EYA3: variants seen among roughly 807,000 people sequenced by gnomAD.
EYA3 encodes protein phosphatase EYA3.
Under a neutral mutation model 80.0 loss-of-function variants are expected in EYA3, and 39 were observed. The ratio of observed to expected loss-of-function variants is 0.49; its 90% CI spans 0.38 to 0.64. EYA3 has a LOEUF of 0.64. Ranked by LOEUF, EYA3 falls within the 30% of genes least tolerant of loss-of-function variation. The probability of loss-of-function intolerance (pLI) is 0.00; values close to 1 mark genes in which losing one functional copy is unlikely to be tolerated. For synonymous variants in EYA3, 206 were observed against 232.8 expected, an observed-to-expected ratio of 0.88 and a Z score of 1.05; for missense variants, 523 against 676.1, an observed-to-expected ratio of 0.77 and a Z score of 2.51.
chr1:28,056,443 G>A (rs1174568484), intron 2 of EYA3, among the ~76,000 whole-genome samples: 2 of 152,262 alleles, frequency 1.3e-5, no homozygotes, highest in East Asian at 3.9e-4. Flanking sequence ...GGCATGCTAT[G>A]CCTCTTGTTT....
Position 28,011,072 on chromosome 1 carries a change from T to A in EYA3, c.784A>T (p.Ser262Cys). 1 of 1,613,144 alleles carries A rather than the reference T, an allele frequency of 6.2e-7. No homozygotes were observed. The highest frequency in any genetic ancestry group is 1.1e-5 in the South Asian group (1 of 90,816). The change falls in exon 10 of 18, where the codon AGT becomes TGT. Residue 262 changes from serine (S) to cysteine (C), a missense_variant. Physicochemically the swap from Ser to Cys is moderately radical, Grantham distance 112. Coordinates refer to ENST00000373871, the MANE Select transcript of EYA3 (RefSeq NM_001990.4). ...GGTGTAGTCTGGGACAAAGATGGAC[T>A]TGTAGAAGGGTCTCCTGGAAAGAAA... The part of the protein sequence containing the change: ...QRLSSGDPST[S>C]PSLSQTTPSK...
intron 3 of EYA3, among the ~76,000 whole-genome samples, chr1:28,046,794 T>C (rs1042761555): frequency 1.3e-5 from 2 of 152,136 alleles, no homozygotes; most frequent in African/African-American, 4.8e-5. Flanking sequence ...TTAAGAATGT[T>C]TGTAAGGGAC....
Position 28,086,372 on chromosome 1 carries a change from C to G in EYA3, c.-69+2152G>C, listed in dbSNP as rs556432022. Among the ~76,000 whole-genome samples, 70 of 152,258 alleles carry G rather than the reference C, an allele frequency of 4.6e-4. 1 individual carries two copies. The highest frequency in any genetic ancestry group is 1.7e-3 in the African/African-American group (69 of 41,552). On this transcript the variant is annotated intron_variant, in intron 1 of 17. Coordinates refer to ENST00000373871, the MANE Select transcript of EYA3 (RefSeq NM_001990.4). ...GGGACTACAGGCGCACACCACTACA[C>G]CAAGCTAATTTTGTCTATGTTGCCC...
At chr1:28,073,661 C>T (rs1645108215) in intron 1 of EYA3, among the ~76,000 whole-genome samples, 1 of 152,024 alleles carries the variant, frequency 6.6e-6, no homozygotes. Context: ...GGCTTGAACT[C>T]CTGACCTCAG....
At chr1:28,069,001 T>C (rs374754481) in intron 1 of EYA3, among the ~76,000 whole-genome samples, 21 of 151,890 alleles carry the variant, frequency 1.4e-4, no homozygotes, top group African/African-American at 5.1e-4. Flanking sequence ...GAAACAGGGT[T>C]TCACCATGTT....
chr1:28,048,793 TA>T (rs1187640662), intron 2 of EYA3, among the ~76,000 whole-genome samples: 1 of 152,218 alleles, frequency 6.6e-6, no homozygotes, highest in Non-Finnish European at 1.5e-5. Context: ...AAGTATCATC[TA>T]CTCATTTATT....
Position 28,048,441 on chromosome 1 carries a change from A to G in EYA3, c.34-15T>C, listed in dbSNP as rs778725262. On this transcript the variant is annotated splice_polypyrimidine_tract_variant and intron_variant, in intron 2 of 17. Transcript: ENST00000373871. Reference sequence around the variant, plus strand: ...GCTTTTTTCACCTGCAAAAATAAATATACAAAGGTATCAATGTACTTGATC... The same window carrying G: ...GCTTTTTTCACCTGCAAAAATAAATGTACAAAGGTATCAATGTACTTGATC... 3.1e-6 allele frequency: 5 copies of G among 1,605,410 alleles called. No individual in the cohort carries two copies. The South Asian group carries it at 4.4e-5, about 14-fold the overall frequency.
chr1:28,038,063 C>A (rs1417166225), intron 5 of EYA3, among the ~76,000 whole-genome samples: 7 of 144,288 alleles, frequency 4.9e-5, no homozygotes, highest in African/African-American at 1.1e-4. Context: ...CCCATGAAGG[C>A]CCAAAACATA....
chr1:28,058,487 G>A (rs2148899689), intron 1 of EYA3, among the ~76,000 whole-genome samples: 1 of 152,202 alleles, frequency 6.6e-6, no homozygotes, highest in South Asian at 2.1e-4. Context: ...CTTTAATGTG[G>A]AACATTTACA....
At chr1:28,022,724 C>A (rs1485076182) in intron 7 of EYA3, among the ~76,000 whole-genome samples, 2 of 151,426 alleles carry the variant, frequency 1.3e-5, no homozygotes, top group Non-Finnish European at 3.0e-5. Context: ...AAGCTCAGAT[C>A]TTTTTTTTGA....
intron 3 of EYA3, 118 bp downstream of exon 3, chr1:28,048,265 A>C (rs555405208): frequency 5.6e-5 from 34 of 603,580 alleles, no homozygotes; most frequent in Non-Finnish European, 9.1e-5. Flanking sequence ...TTCAAAATGT[A>C]ACAGCTGATG....
At chr1:28,040,293 G>C (rs1643702982) in intron 4 of EYA3, among the ~76,000 whole-genome samples, 1 of 152,204 alleles carries the variant, frequency 6.6e-6, no homozygotes, top group Non-Finnish European at 1.5e-5. Flanking sequence ...TAGACGGAGA[G>C]TGATACCACT....
intron 7 of EYA3, among the ~76,000 whole-genome samples, chr1:28,020,516 T>C (rs964770213): frequency 8.6e-5 from 13 of 151,994 alleles, no homozygotes; most frequent in African/African-American, 2.9e-4. Context: ...GTGAGGGAAG[T>C]TAGTCAATAA....
chr1:28,039,105 A>G (rs1364995769), intron 4 of EYA3, among the ~76,000 whole-genome samples, 200 bp from the exon 5 acceptor site: 1 of 152,230 alleles, frequency 6.6e-6, no homozygotes, highest in African/African-American at 2.4e-5. Flanking sequence ...GGCAGTTAAA[A>G]AAAGAAGGGT....
At chr1:28,073,726 G>A (rs551249280) in intron 1 of EYA3, among the ~76,000 whole-genome samples, 4 of 152,034 alleles carry the variant, frequency 2.6e-5, no homozygotes, top group Admixed American at 1.3e-4. Flanking sequence ...GTGAGCCACC[G>A]CACCTGGCCC....
At chr1:28,087,178 A>C (rs1454802887) in intron 1 of EYA3, among the ~76,000 whole-genome samples, 1 of 152,196 alleles carries the variant, frequency 6.6e-6, no homozygotes, top group African/African-American at 2.4e-5. Flanking sequence ...AAGATTACCC[A>C]AGCCTATACT....
At chr1:28,085,430 C>T (rs1045664910) in intron 1 of EYA3, among the ~76,000 whole-genome samples, 2 of 152,118 alleles carry the variant, frequency 1.3e-5, no homozygotes, top group African/African-American at 4.8e-5. Flanking sequence ...GCCTGGCCAA[C>T]AGAGCAAGGT....
chr1:27,974,345 G>T lies in EYA3; in HGVS notation c.*121C>A, dbSNP rs560398336. 5 of 613,302 alleles carry T rather than the reference G, an allele frequency of 8.2e-6. No individual in the cohort carries two copies. The highest frequency in any genetic ancestry group is 1.4e-5 in the Non-Finnish European group (5 of 352,798). The allele number at this position is 613,302 out of a possible 1,614,324, so 38.0% of individuals were successfully genotyped here. On this transcript the variant is annotated 3_prime_UTR_variant, in exon 18 of 18. Transcript: ENST00000373871. The stretch of plus-strand genomic sequence containing the variant: ...AGGGAGAGAGAGAAAGAGAGAAAGA[G>T]AGAGAGATAGAGACAGAGACACAGA...
In EYA3 at chr1:28,013,151, A is replaced by G. The variant is rs1340032385; in HGVS notation, c.729T>C (p.Ser243=). 1.9e-6 allele frequency: 3 copies of G among 1,613,958 alleles called. No homozygotes were observed. Among genetic ancestry groups the G allele is most frequent in the Non-Finnish European group, 2.5e-6 (3 of 1,179,966 alleles). Residue 243 remains serine, a synonymous_variant, in exon 9 of 18, where the codon AGT becomes AGC. Coordinates refer to ENST00000373871, the MANE Select transcript of EYA3 (RefSeq NM_001990.4). The surrounding 1 kb of genome is among the most constrained non-coding windows in gnomAD (Gnocchi z 4.0). ...AATTYQSEKP[S]VMAPAPAAQR... is the part of the protein sequence containing the mutation. The stretch of plus-strand genomic sequence containing the variant: ...GTGCTGCAGGTGCAGGCGCCATGAC[A>G]CTAGGCTTCTCCGACTGGTATGTGG...
Sources: allele counts gnomAD v4.1 joint callset (sites outside exome capture counted in the v4.1 genomes callset), GRCh38; gene constraint gnomAD v4.1.1; non-coding constraint Gnocchi (gnomAD v3.1); transcripts MANE v1.5; gene names NCBI Gene and HGNC (gene_info 2026-07-23, HGNC 2026-07-21).